STARD13: variants seen among roughly 807,000 people sequenced by gnomAD.
The protein encoded by STARD13 is stAR-related lipid transfer protein 13.
A neutral mutation model predicts 106.4 loss-of-function variants in STARD13; 62 were observed. That is an observed-to-expected ratio of 0.58 (90% CI 0.48 to 0.72). The LOEUF is 0.72. Ranked by LOEUF, STARD13 falls within the 30% of genes least tolerant of loss-of-function variation. The probability of loss-of-function intolerance (pLI) is 0.00; values close to 1 mark genes in which losing one functional copy is unlikely to be tolerated. For synonymous variants in STARD13, 565 were observed against 553.0 expected (o/e 1.02, Z -0.31); for missense variants, 1,387 against 1,424.0 (o/e 0.97, Z 0.42).
At chr13:33,453,648 C>T in the STARD13 span, among the ~76,000 whole-genome samples, 15 of 152,142 alleles carry the variant, frequency 9.9e-5, no homozygotes, top group African/African-American at 3.6e-4. Flanking sequence ...AAATGGAAGT[C>T]TAGGCCTTTA....
At position 33,328,998 on chromosome 13, in the gene STARD13, G is replaced by T. The variant is rs1453054802; in HGVS notation, c.124+21292C>A. On this transcript the variant is annotated intron_variant, in intron 1 of 5. Transcript: ENST00000567873. ...AGAGCAACTTCATGTGAACAAAAAG[G>T]CTAAGTGTTACGGTGCAGCTGTTCA... Among the ~76,000 whole-genome samples the T allele has an allele frequency of 3.3e-5, 5 of 152,196 alleles. No homozygotes were observed. The East Asian group carries it at 9.6e-4, about 29-fold the overall frequency.
chr13:33,206,289 G>A (rs74045705), intron 1 of STARD13, among the ~76,000 whole-genome samples: 4,537 of 151,794 alleles, frequency 0.03, 231 homozygotes, highest in African/African-American at 0.11. Context: ...AACTTCACAG[G>A]AAGGGAAGAA....
At chr13:33,328,209 G>A (rs750226611) in intron 1 of STARD13, among the ~76,000 whole-genome samples, 1 of 152,224 alleles carries the variant, frequency 6.6e-6, no homozygotes, top group Non-Finnish European at 1.5e-5. Flanking sequence ...GATAGAGGCT[G>A]TGATATGAAG....
chr13:33,507,181 A>G, the STARD13 span, among the ~76,000 whole-genome samples: 1 of 152,202 alleles, frequency 6.6e-6, no homozygotes, highest in Non-Finnish European at 1.5e-5. Context: ...CAAACAACAT[A>G]GTTATGAACT....
Position 33,226,379 on chromosome 13 carries a change from T to C in STARD13, c.170-58757A>G, listed in dbSNP as rs76176701. ...CAGGAAGTCTTTAGTAAAAGTCTAC[T>C]GCCAGCTATTGCCATAAGTGTTAGG... On this transcript the variant is annotated intron_variant, in intron 1 of 13. Coordinates refer to ENST00000336934, the MANE Select transcript of STARD13 (RefSeq NM_178006.4). 9.9e-5 allele frequency among the ~76,000 whole-genome samples: 15 copies of C among 151,996 alleles called. No homozygotes were observed. The East Asian group carries it at 2.9e-3, about 29-fold the overall frequency.
At chr13:33,368,818 TC>T in the STARD13 span, among the ~76,000 whole-genome samples, 1 of 152,106 alleles carries the variant, frequency 6.6e-6, no homozygotes, top group Non-Finnish European at 1.5e-5. Flanking sequence ...TTGGTGTGTC[TC>T]CCATGGGGTT....
chr13:33,444,775 T>C, the STARD13 span, among the ~76,000 whole-genome samples: 1 of 152,052 alleles, frequency 6.6e-6, no homozygotes, highest in East Asian at 1.9e-4. Flanking sequence ...TCTCCAAAAA[T>C]GATTATAATG....
chr13:33,422,132 A>G, the STARD13 span, among the ~76,000 whole-genome samples: 1 of 152,226 alleles, frequency 6.6e-6, no homozygotes, highest in Non-Finnish European at 1.5e-5. Flanking sequence ...AGGGTATTCA[A>G]TAAGAAAAAG....
chr13:33,374,804 A>G, the STARD13 span, among the ~76,000 whole-genome samples: 6,819 of 152,244 alleles, frequency 0.045, 216 homozygotes, highest in Middle Eastern at 0.11. Context: ...GTTAGGCTAC[A>G]GTGTAGAGCA....
chr13:33,112,914 G>A lies in STARD13; in HGVS notation c.2299C>T (p.Arg767Trp), dbSNP rs894861479. ...ATGGCAGCCTGCACGGCCTGCAGCC[G>A]CTGCTCTTTGGAGACATCTGAGGAA... is the stretch of plus-strand genomic sequence containing the variant. ...HIYQYVSKEQ[R>W]LQAVQAAILL... The change falls in exon 9 of 14, where the codon CGG becomes TGG. Residue 767 changes from arginine to tryptophan, a missense_variant. Physicochemically the swap from Arg to Trp is moderately radical, Grantham distance 101 (BLOSUM62 -3). Transcript: ENST00000336934. The A allele has an allele frequency of 7.5e-6, 12 of 1,610,190 alleles. No homozygotes were observed. The highest frequency in any genetic ancestry group is 2.7e-5 in the African/African-American group (2 of 74,738).
chr13:33,591,035 A>C, the STARD13 span, among the ~76,000 whole-genome samples: 1 of 152,260 alleles, frequency 6.6e-6, no homozygotes, highest in Non-Finnish European at 1.5e-5. Context: ...ATATTCTAAT[A>C]ACATTTGGAA....
intron 3 of STARD13, among the ~76,000 whole-genome samples, chr13:33,153,229 G>A (rs1039976120): frequency 2.6e-5 from 4 of 152,154 alleles, no homozygotes; most frequent in African/African-American, 7.2e-5. Flanking sequence ...AAGCACCCAC[G>A]ATATACCACT....
At chr13:33,154,463 A>G (rs189037823) in intron 3 of STARD13, among the ~76,000 whole-genome samples, 23 of 152,328 alleles carry the variant, frequency 1.5e-4, no homozygotes, top group Admixed American at 3.3e-4. Context: ...CAGGGACACG[A>G]TATCTATGTG....
At chr13:33,175,163 A>G (rs1884380785) in intron 1 of STARD13, among the ~76,000 whole-genome samples, 1 of 152,200 alleles carries the variant, frequency 6.6e-6, no homozygotes, top group African/African-American at 2.4e-5. Flanking sequence ...TTTTGACTCA[A>G]GTTTTCCATG....
intron 8 of STARD13, chr13:33,117,828 CTT>C (rs1374977410): frequency 1.8e-5 from 18 of 984,832 alleles, no homozygotes; most frequent in Non-Finnish European, 2.2e-5. Context: ...ACACAAAACT[CTT>C]TTGAGAAGGA....
chr13:33,161,715 T>G (rs1210314713), intron 3 of STARD13, among the ~76,000 whole-genome samples: 1 of 152,144 alleles, frequency 6.6e-6, no homozygotes, highest in Non-Finnish European at 1.5e-5. Context: ...ACTTTATATA[T>G]ATATGTATTA....
At chr13:33,379,948 G>T in the STARD13 span, among the ~76,000 whole-genome samples, 1 of 152,106 alleles carries the variant, frequency 6.6e-6, no homozygotes, top group African/African-American at 2.4e-5. Context: ...ATATGATAAG[G>T]TCCCTGCACT....
At chr13:33,339,569 T>G (rs1226288881) in intron 1 of STARD13, among the ~76,000 whole-genome samples, 1 of 152,232 alleles carries the variant, frequency 6.6e-6, no homozygotes, top group African/African-American at 2.4e-5. Context: ...GGTGCTACTC[T>G]AAAGGCTACA....
intron 1 of STARD13, among the ~76,000 whole-genome samples, chr13:33,208,766 A>T (rs1887554683): frequency 6.6e-6 from 1 of 152,200 alleles, no homozygotes; most frequent in Admixed American, 6.5e-5. Flanking sequence ...CCAGAAAGAC[A>T]TGTGAGTCCA....
Sources: gnomAD v4.1 joint callset for allele counts (sites outside exome capture counted in the v4.1 genomes callset) on GRCh38, gnomAD v4.1.1 for gene constraint, MANE v1.5 for transcripts, NCBI Gene and HGNC (gene_info 2026-07-23, HGNC 2026-07-21) for gene names.